The following SPIC variants were observed in gnomAD, a reference collection of about 807,000 sequenced individuals.
SPIC encodes Spi-C transcription factor.
A neutral mutation model predicts 16.7 loss-of-function variants in SPIC; 9 were observed. The ratio of observed to expected loss-of-function variants is 0.54; its 90% CI spans 0.33 to 0.94. The LOEUF (loss-of-function observed/expected upper bound fraction) is 0.94, where lower values mean the gene tolerates loss of function less well. Among genes scored for constraint, SPIC ranks in the 40% least tolerant of loss-of-function variants. The probability of loss-of-function intolerance (pLI) is 0.03; values close to 1 mark genes in which losing one functional copy is unlikely to be tolerated. For synonymous variants in SPIC, 97 were observed against 102.9 expected (o/e 0.94, Z 0.35); for missense variants, 241 against 285.8 (o/e 0.84, Z 1.13).
At chr12:101,481,363 A>T (rs10778120) in intron 4 of SPIC, among the ~76,000 whole-genome samples, 108,724 of 151,622 alleles carry the variant, frequency 0.72, 40,012 homozygotes, top group African/African-American at 0.88. Flanking sequence ...ATTTTTAAAT[A>T]TAAATTTTTT....
intron 3 of SPIC, among the ~76,000 whole-genome samples, chr12:101,479,164 AAG>A: frequency 7.7e-6 from 1 of 130,332 alleles, no homozygotes; most frequent in South Asian, 2.5e-4. Flanking sequence ...AAAAGAAAGA[AAG>A]AAAGAAAAAG....
chr12:101,486,820 T>G lies in SPIC; in HGVS notation c.*49T>G. Reference sequence around the variant, plus strand: ...TACTGGCATCGGAAATCTCTACAAGTTTTAATGATTTCTCCCTCCCTCTCT... The same window carrying G: ...TACTGGCATCGGAAATCTCTACAAGGTTTAATGATTTCTCCCTCCCTCTCT... On this transcript the variant is annotated 3_prime_UTR_variant, in exon 6 of 6. Coordinates refer to ENST00000551346, the MANE Select transcript of SPIC (RefSeq NM_152323.3). 2 of 1,410,808 alleles carry G rather than the reference T, an allele frequency of 1.4e-6. No individual in the cohort carries two copies. Among genetic ancestry groups the G allele is most frequent in the South Asian group, 3.1e-5 (2 of 63,796 alleles). 87.4% of individuals were successfully genotyped at this position (1,410,808 alleles called of 1,614,324 possible). A position where few individuals can be genotyped will look rare whatever the true frequency, so the allele number is the denominator to read the frequency against.
chr12:101,486,550 T>C lies in SPIC; in HGVS notation c.526T>C (p.Tyr176His). Residue 176 changes from tyrosine (Y) to histidine (H), a missense_variant, in exon 6 of 6, where the codon TAC becomes CAC. By Grantham distance (83) the Tyr-to-His change is moderately conservative (BLOSUM62 2). Coordinates refer to ENST00000551346, the MANE Select transcript of SPIC (RefSeq NM_152323.3). ...GAAAATGGCCAGGGCACTCAGAAAT[T>C]ACGGAAGAAGTGGGGAAATTACCAA... ...YQKMARALRN[Y>H]GRSGEITKIR... 6.2e-7 allele frequency: 1 copy of C among 1,614,084 alleles called. No homozygotes were observed. Among genetic ancestry groups the C allele is most frequent in the Non-Finnish European group, 8.5e-7 (1 of 1,180,016 alleles).
intron 3 of SPIC, among the ~76,000 whole-genome samples, chr12:101,479,314 AGAAAG>A: frequency 7.8e-6 from 1 of 128,862 alleles, no homozygotes; most frequent in Admixed American, 8.6e-5. Context: ...GAAAAAAGAA[AGAAAG>A]AAAGAAAGAA....
chr12:101,476,223 G>T (rs1416170225), intron 1 of SPIC, among the ~76,000 whole-genome samples: 1 of 152,104 alleles, frequency 6.6e-6, no homozygotes, highest in Admixed American at 6.6e-5. Flanking sequence ...ATTTAATTGT[G>T]GGTCGGTGTG....
chr12:101,480,635 T>G (rs959444837), intron 4 of SPIC, among the ~76,000 whole-genome samples: 3 of 152,226 alleles, frequency 2.0e-5, no homozygotes, highest in African/African-American at 7.2e-5. Context: ...TCAAATGTCC[T>G]TTTTCTGTTT....
rs779662480 is a variant in SPIC, at chr12:101,486,462, CAAAG to C, written c.442_445del (p.Glu148AsnfsTer16). ...GCATCTTTCAGTTTGTATCAAAAAACAAAGAAAAACTTGCCGAGCTTTGGGGGAA... is the reference window on the plus strand; with the variant it reads ...GCATCTTTCAGTTTGTATCAAAAAACAAAAACTTGCCGAGCTTTGGGGGAA... On this transcript the variant is annotated frameshift_variant, in exon 6 of 6. Coordinates refer to ENST00000551346, the MANE Select transcript of SPIC (RefSeq NM_152323.3). LOFTEE classifies it low-confidence loss of function (END_TRUNC). The C allele has an allele frequency of 6.2e-7, 1 of 1,614,030 alleles. No individual in the cohort carries two copies. The highest frequency in any genetic ancestry group is 8.5e-7 in the Non-Finnish European group (1 of 1,180,008).
intron 3 of SPIC, among the ~76,000 whole-genome samples, chr12:101,479,242 A>AGG (rs1286145762): frequency 0.039 from 1,741 of 44,452 alleles, 75 homozygotes; most frequent in East Asian, 0.075. Context: ...GAAAGAAAGA[A>AGG]AAAGAAAGAA....
chr12:101,478,555 C>T (rs61945606), intron 3 of SPIC, among the ~76,000 whole-genome samples: 4,565 of 152,218 alleles, frequency 0.03, 123 homozygotes, highest in African/African-American at 0.063. Flanking sequence ...TAGAGGATGA[C>T]ATTCCACACA....
intron 2 of SPIC, among the ~76,000 whole-genome samples, 187 bp from the exon 3 acceptor site, chr12:101,477,371 G>A (rs534320329): frequency 1.2e-4 from 18 of 152,244 alleles, no homozygotes; most frequent in African/African-American, 4.3e-4. Flanking sequence ...GTGGGTAGGG[G>A]TCAGGGAAGC....
At position 101,486,908 on chromosome 12, in the gene SPIC, A is replaced by T; in HGVS notation, c.*137A>T. The stretch of plus-strand genomic sequence containing the variant: ...TAAAGCAAATACTAAAGAGGAAAAA[A>T]AATTAACTTTATTGTTGCTTTTATC... On this transcript the variant is annotated 3_prime_UTR_variant, in exon 6 of 6. Coordinates refer to ENST00000551346, the MANE Select transcript of SPIC (RefSeq NM_152323.3). 2 of 692,988 alleles carry T rather than the reference A, an allele frequency of 2.9e-6. No homozygotes were observed. The highest frequency in any genetic ancestry group is 4.4e-6 in the Non-Finnish European group (2 of 449,970). The allele number at this position is 692,988 out of a possible 1,614,324, so 42.9% of individuals were successfully genotyped here.
chr12:101,479,657 C>T lies in SPIC; in HGVS notation c.173C>T (p.Pro58Leu). The T allele has an allele frequency of 6.2e-7, 1 of 1,613,612 alleles. No individual in the cohort carries two copies. The highest frequency in any genetic ancestry group is 1.1e-5 in the South Asian group (1 of 91,074). ...AATTCCAGCTGCTATGGAGTGTTGC[C>T]TACAGAGGAGCCTGTCTATAATTGG... The part of the protein sequence containing the change: ...KGNSSCYGVL[P>L]TEEPVYNWRT... The change falls in exon 4 of 6, where the codon CCT (proline) becomes CTT (leucine). Residue 58 changes from proline (P) to leucine (L), a missense_variant. Pro to Leu is a moderately conservative substitution (Grantham distance 98, BLOSUM62 -3). Coordinates refer to ENST00000551346, the MANE Select transcript of SPIC (RefSeq NM_152323.3).
intron 2 of SPIC, among the ~76,000 whole-genome samples, chr12:101,477,345 G>A (rs1005238384): frequency 6.6e-6 from 1 of 152,118 alleles, no homozygotes; most frequent in Non-Finnish European, 1.5e-5. Flanking sequence ...AACTGTGAAG[G>A]TACTACTGGC....
At chr12:101,477,431 C>A (rs1438176554) in intron 2 of SPIC, 127 bp from the exon 3 acceptor site, 3 of 836,298 alleles carry the variant, frequency 3.6e-6, no homozygotes, top group Non-Finnish European at 5.8e-6. Flanking sequence ...ACAGAGACAG[C>A]CAACACCAAA....
At chr12:101,477,226 A>G (rs1872985123) in intron 2 of SPIC, among the ~76,000 whole-genome samples, 1 of 152,216 alleles carries the variant, frequency 6.6e-6, no homozygotes, top group African/African-American at 2.4e-5. Context: ...GTACTATAGA[A>G]TGAATACCAT....
Position 101,476,876 on chromosome 12 carries a change from G to A in SPIC, c.-29G>A. 7.2e-7 allele frequency: 1 copy of A among 1,396,906 alleles called. No individual in the cohort carries two copies. Among genetic ancestry groups the A allele is most frequent in the Non-Finnish European group, 9.6e-7 (1 of 1,047,002 alleles). The allele number at this position is 1,396,906 out of a possible 1,614,324, so 86.5% of individuals were successfully genotyped here. On this transcript the variant is annotated 5_prime_UTR_variant, in exon 2 of 6. Coordinates refer to ENST00000551346, the MANE Select transcript of SPIC (RefSeq NM_152323.3). The stretch of plus-strand genomic sequence containing the variant: ...TTTTCTTCAAGCAACAATTGCTAAG[G>A]AACAGAATTGTCAATTTATTAATGA...
At chr12:101,478,333 C>CT (rs1873029285) in intron 3 of SPIC, among the ~76,000 whole-genome samples, 1 of 151,948 alleles carries the variant, frequency 6.6e-6, no homozygotes, top group South Asian at 2.1e-4. Context: ...GCCCGGTGAC[C>CT]TTTTTTATCT....
intron 5 of SPIC, among the ~76,000 whole-genome samples, chr12:101,484,050 A>G (rs900844694): frequency 3.3e-5 from 5 of 150,970 alleles, no homozygotes; most frequent in Non-Finnish European, 7.4e-5. Flanking sequence ...TTTATTTTTC[A>G]AAATAGAAGT....
At position 101,477,569 on chromosome 12, in the gene SPIC, A is replaced by G. The variant is rs922424657; in HGVS notation, c.15A>G (p.Glu5=). The G allele has an allele frequency of 1.2e-6, 2 of 1,614,040 alleles. No homozygotes were observed. The highest frequency in any genetic ancestry group is 1.7e-6 in the Non-Finnish European group (2 of 1,180,014). MTCV[E]QDKLGQAFED... is the part of the protein sequence containing the mutation. ...CATTGTTCCAACAGACGTGTGTTGA[A>G]CAAGACAAGCTGGGTCAAGCATTTG... Residue 5 remains glutamate, a synonymous_variant, in exon 3 of 6, where the codon GAA becomes GAG. Coordinates refer to ENST00000551346, the MANE Select transcript of SPIC (RefSeq NM_152323.3).
Sources: gnomAD v4.1 joint callset for allele counts (sites outside exome capture counted in the v4.1 genomes callset) on GRCh38, gnomAD v4.1.1 for gene constraint, MANE v1.5 for transcripts, NCBI Gene and HGNC (gene_info 2026-07-23, HGNC 2026-07-21) for gene names.